Variants in CEP170 observed in about 807,000 individuals in gnomAD.
CEP170 encodes centrosomal protein 170, also known as centrosomal protein of 170 kDa.
A neutral mutation model predicts 151.9 loss-of-function variants in CEP170; 21 were observed. The ratio of observed to expected loss-of-function variants is 0.14; its 90% CI spans 0.10 to 0.20. The LOEUF (loss-of-function observed/expected upper bound fraction) is 0.20, where lower values mean the gene tolerates loss of function less well. CEP170 is among the 10% of genes least tolerant of loss of function. The pLI is 1.00. For synonymous variants in CEP170, 356 were observed against 648.8 expected (o/e 0.55, Z 6.86); for missense variants, 964 against 1,892.9 (o/e 0.51, Z 9.11).
intron 14 of CEP170, among the ~76,000 whole-genome samples, chr1:243,143,733 GAA>G (rs1190979595): frequency 5.5e-5 from 6 of 109,654 alleles, no homozygotes; most frequent in East Asian, 2.6e-4. Flanking sequence ...AACTTAAAAA[GAA>G]AAAAAAAAAA....
chr1:243,239,308 G>A (rs2064573731), intron 1 of CEP170, among the ~76,000 whole-genome samples: 2 of 152,090 alleles, frequency 1.3e-5, no homozygotes, highest in Non-Finnish European at 2.9e-5. Context: ...AAGTCATTAT[G>A]TCCCTTTGAT....
In CEP170 at chr1:243,125,046, T is replaced by C. The variant is rs1477662310; in HGVS notation, c.*1403A>G. 2.0e-5 allele frequency: 3 copies of C among 152,278 alleles called. No homozygotes were observed. The highest frequency in any genetic ancestry group is 4.1e-4 in the South Asian group (2 of 4,826). The allele number at this position is 152,278 out of a possible 1,614,324, so 9.4% of individuals were successfully genotyped here. On this transcript the variant is annotated 3_prime_UTR_variant, in exon 20 of 20. Transcript: ENST00000366542. ...GTTACTTTGTTTCTTAAAACAAATA[T>C]AGCACAGGATTATTGTGGAAATATT... is the stretch of plus-strand genomic sequence containing the variant.
chr1:243,159,675 A>T (rs2057879047), intron 13 of CEP170, among the ~76,000 whole-genome samples: 1 of 152,136 alleles, frequency 6.6e-6, no homozygotes, highest in African/African-American at 2.4e-5. Flanking sequence ...AAATCAAAGT[A>T]TAAGCCAGGT....
intron 2 of CEP170, among the ~76,000 whole-genome samples, chr1:243,224,394 C>T (rs1400796816): frequency 6.6e-6 from 1 of 151,458 alleles, no homozygotes; most frequent in East Asian, 1.9e-4. Context: ...CCGGGCCACA[C>T]TGGAAGAAGA....
At chr1:243,193,401 C>T (rs2148784122) in intron 7 of CEP170, among the ~76,000 whole-genome samples, 2 of 151,870 alleles carry the variant, frequency 1.3e-5, no homozygotes, top group Admixed American at 1.3e-4. Context: ...TTTGCTCATC[C>T]TTCAGGTGAC....
intron 1 of CEP170, among the ~76,000 whole-genome samples, chr1:243,252,183 G>A (rs374717081): frequency 1.3e-5 from 2 of 152,086 alleles, no homozygotes; most frequent in Admixed American, 1.3e-4. Context: ...CAAATGGCAC[G>A]TAACTGCTCT....
chr1:243,217,317 T>C (rs1033024709), intron 3 of CEP170, among the ~76,000 whole-genome samples: 3 of 152,216 alleles, frequency 2.0e-5, no homozygotes, highest in African/African-American at 7.2e-5. Context: ...AGATACAGTA[T>C]TGAAGAGGAG....
intron 13 of CEP170, chr1:243,163,108 CAG>C (rs2058194377): frequency 6.6e-6 from 1 of 152,116 alleles, no homozygotes; most frequent in African/African-American, 2.4e-5. Context: ...TGGAGGAAAG[CAG>C]CAGTGAAAAG....
chr1:243,243,435 A>G (rs1049132510), intron 1 of CEP170, among the ~76,000 whole-genome samples: 1 of 152,210 alleles, frequency 6.6e-6, no homozygotes, highest in Non-Finnish European at 1.5e-5. Flanking sequence ...GAGAAACAAT[A>G]TAAGCTTCCC....
At chr1:243,159,360 G>A (rs1365490878) in intron 13 of CEP170, among the ~76,000 whole-genome samples, 1 of 152,202 alleles carries the variant, frequency 6.6e-6, no homozygotes, top group East Asian at 1.9e-4. Context: ...GGCTACTGGT[G>A]GAGAAGGGAC....
chr1:243,128,469 G>T (rs1572104352), intron 18 of CEP170, 169 bp from the exon 19 acceptor site: 1 of 515,982 alleles, frequency 1.9e-6, no homozygotes, highest in Admixed American at 4.3e-5. Context: ...TAGCAAACAA[G>T]ATTCAAATTA....
chr1:243,183,599 A>G (rs2059765928), intron 10 of CEP170, among the ~76,000 whole-genome samples: 1 of 152,170 alleles, frequency 6.6e-6, no homozygotes, highest in South Asian at 2.1e-4. Flanking sequence ...TTTGGCTTTA[A>G]GCTTTATGTG....
At chr1:243,199,385 A>C (rs915805239) in intron 6 of CEP170, among the ~76,000 whole-genome samples, 191 bp from the exon 7 acceptor site, 7 of 152,120 alleles carry the variant, frequency 4.6e-5, no homozygotes, top group Non-Finnish European at 8.8e-5. Flanking sequence ...GACATGACTA[A>C]ATAAATAAGA....
At chr1:243,141,447 A>G (rs1210126008) in intron 15 of CEP170, among the ~76,000 whole-genome samples, 2 of 152,152 alleles carry the variant, frequency 1.3e-5, no homozygotes, top group East Asian at 3.8e-4. Flanking sequence ...GCGAATTAGT[A>G]TTCTTTAGAT....
At chr1:243,179,391 C>T (rs1254428204) in intron 10 of CEP170, among the ~76,000 whole-genome samples, 2 of 152,116 alleles carry the variant, frequency 1.3e-5, no homozygotes, top group Non-Finnish European at 2.9e-5. Flanking sequence ...GCTAGGAACT[C>T]AAAGGTAAGT....
intron 2 of CEP170, among the ~76,000 whole-genome samples, chr1:243,224,181 C>T (rs761094582): frequency 1.1e-4 from 17 of 152,154 alleles, no homozygotes; most frequent in Admixed American, 2.0e-4. Context: ...CTCAGAAATA[C>T]ATAATTTAAA....
At chr1:243,145,939 G>C (rs1412242087) in intron 14 of CEP170, among the ~76,000 whole-genome samples, 2 of 152,082 alleles carry the variant, frequency 1.3e-5, no homozygotes, top group Non-Finnish European at 2.9e-5. Context: ...CTATCTAGAA[G>C]AGTTTAGTAA....
rs1029658160 is a variant in CEP170 at position 243,182,998 on chromosome 1, A to G, written c.1566+2781T>C. The stretch of plus-strand genomic sequence containing the variant: ...TTTTTTTTTTTTTAACTGAATGACT[A>G]AAGACTTCTCTGAGGAAGGAATGTC... On this transcript the variant is annotated intron_variant, in intron 10 of 19. Transcript: ENST00000366542. Among the ~76,000 whole-genome samples, 42 of 152,014 alleles carry G rather than the reference A, an allele frequency of 2.8e-4. 1 individual carries two copies. Among genetic ancestry groups the G allele is most frequent in the Non-Finnish European group, 5.4e-4 (37 of 67,970 alleles).
chr1:243,125,184 G>A lies in CEP170; in HGVS notation c.*1265C>T, dbSNP rs2148113694. On this transcript the variant is annotated 3_prime_UTR_variant, in exon 20 of 20. Transcript: ENST00000366542. ...TGAATTAAGATACACCCCAATTATA[G>A]TGTTCTGGAAACACAAAGGTAATTA... 6.6e-6 allele frequency: 1 copy of A among 152,168 alleles called. No individual in the cohort carries two copies. The highest frequency in any genetic ancestry group is 3.4e-3 in the Middle Eastern group (1 of 294). 9.4% of individuals were successfully genotyped at this position (152,168 alleles called of 1,614,324 possible).
Sources: gnomAD v4.1 joint callset for allele counts (sites outside exome capture counted in the v4.1 genomes callset) on GRCh38, gnomAD v4.1.1 for gene constraint, MANE v1.5 for transcripts, NCBI Gene and HGNC (gene_info 2026-07-23, HGNC 2026-07-21) for gene names.